PFKFB3: variants seen among roughly 807,000 people sequenced by gnomAD.
The protein encoded by PFKFB3 is 6-phosphofructo-2-kinase/fructose-2,6-biphosphatase 3.
In PFKFB3, 33 loss-of-function variants were observed where a neutral mutation model predicts 68.0. That is an observed-to-expected ratio of 0.49 (90% CI 0.37 to 0.65). PFKFB3 has a LOEUF of 0.65. PFKFB3 is among the 30% of genes least tolerant of loss of function. The pLI is 0.00. For synonymous variants in PFKFB3, 315 were observed against 288.2 expected (o/e 1.09, Z -0.94); for missense variants, 586 against 712.2 (o/e 0.82, Z 2.02).
At chr10:6,315,225 G>A in the PFKFB3 span, among the ~76,000 whole-genome samples, 1 of 152,182 alleles carries the variant, frequency 6.6e-6, no homozygotes, top group African/African-American at 2.4e-5. Context: ...AAACAAACAG[G>A]GGAGGGAGAG....
chr10:6,175,917 C>T (rs745568651), intron 1 of PFKFB3, among the ~76,000 whole-genome samples: 1 of 152,254 alleles, frequency 6.6e-6, no homozygotes, highest in Non-Finnish European at 1.5e-5. Flanking sequence ...TCCATACAAT[C>T]ATCTTGGCAG....
At chr10:6,266,144 A>G in the PFKFB3 span, among the ~76,000 whole-genome samples, 1 of 152,140 alleles carries the variant, frequency 6.6e-6, no homozygotes, top group African/African-American at 2.4e-5. Flanking sequence ...CTTGGGCTCA[A>G]GTGATCCTTC....
At position 6,220,704 on chromosome 10, in the gene PFKFB3, G is replaced by C. The variant is rs577158958; in HGVS notation, c.670G>C (p.Val224Leu). 6.2e-7 allele frequency: 1 copy of C among 1,614,102 alleles called. No homozygotes were observed. Among genetic ancestry groups the C allele is most frequent in the African/African-American group, 1.3e-5 (1 of 75,014 alleles). ...GATTGACGTGGGCCGGAGGTTCCTG[G>C]TGAACCGGGTGCAGGACCACATCCA... is the stretch of plus-strand genomic sequence containing the variant. ...KVIDVGRRFLVNRVQDHIQSR... is the reference protein window; with the variant it reads ...KVIDVGRRFLLNRVQDHIQSR... Residue 224 changes from valine (V) to leucine (L), a missense_variant, in exon 8 of 15, where the codon GTG becomes CTG. Transcript: ENST00000379775. The surrounding 1 kb of genome is among the most constrained non-coding windows in gnomAD (Gnocchi z 4.1).
At chr10:6,254,808 CTTTTTTT>C (rs144888417), downstream of PFKFB3, among the ~76,000 whole-genome samples, 1,084 of 61,644 alleles carry the variant, frequency 0.018, 33 homozygotes, top group South Asian at 0.21. Context: ...TTTTTCTGTT[CTTTTTTT>C]TTTTTTTTTT....
Position 6,233,265 on chromosome 10 carries a change from C to T in PFKFB3, c.*323C>T, listed in dbSNP as rs1165164866. The T allele has an allele frequency of 7.0e-6, 2 of 283,972 alleles. No individual in the cohort carries two copies. Among genetic ancestry groups the T allele is most frequent in the Non-Finnish European group, 1.3e-5 (2 of 151,872 alleles). The allele number at this position is 283,972 out of a possible 1,614,324, so 17.6% of individuals were successfully genotyped here. On this transcript the variant is annotated 3_prime_UTR_variant, in exon 15 of 15. Transcript: ENST00000379775. ...GATGAGTGCTGGTCCTGACAGGAGG[C>T]CGCTGGGGACACTGTGCTGTTTTGT...
Position 6,216,485 on chromosome 10 carries a change from G to T in PFKFB3, c.367-221G>T, listed in dbSNP as rs78894631. Among the ~76,000 whole-genome samples the T allele has an allele frequency of 5.8e-3, 880 of 152,166 alleles. 3 individuals carry two copies. The highest frequency in any genetic ancestry group is 0.01 in the Non-Finnish European group (692 of 68,010). ...TACTGTTTTGCTTGTTTGCTTTTGG[G>T]GTATTTCCCCCACGCTACCACCCCT... On this transcript the variant is annotated intron_variant, in intron 4 of 14. Coordinates refer to ENST00000379775, the MANE Select transcript of PFKFB3 (RefSeq NM_004566.4).
chr10:6,210,006 C>T (rs377339225), intron 1 of PFKFB3, among the ~76,000 whole-genome samples: 4 of 148,128 alleles, frequency 2.7e-5, no homozygotes, highest in East Asian at 3.9e-4. Flanking sequence ...CCCGCCTCGG[C>T]CTCCCAAAGT....
At chr10:6,251,193 G>C (rs1254047197) in intron 14 of PFKFB3, among the ~76,000 whole-genome samples, 1 of 152,148 alleles carries the variant, frequency 6.6e-6, no homozygotes, top group Non-Finnish European at 1.5e-5. Context: ...AGGCAAGGAT[G>C]GGGTGGAAAG....
chr10:6,169,372 C>A (rs1302262730), intron 1 of PFKFB3, among the ~76,000 whole-genome samples: 2 of 152,090 alleles, frequency 1.3e-5, no homozygotes, highest in Non-Finnish European at 2.9e-5. Flanking sequence ...CGGCTGTGAG[C>A]AGGGTAGGGG....
At chr10:6,258,340 A>G (rs951153560), downstream of PFKFB3, among the ~76,000 whole-genome samples, 6 of 152,220 alleles carry the variant, frequency 3.9e-5, no homozygotes, top group African/African-American at 1.2e-4. Flanking sequence ...ATGAGCAGGT[A>G]TGTCTTGCTT....
At chr10:6,295,215 GATTTT>G in the PFKFB3 span, among the ~76,000 whole-genome samples, 1 of 151,906 alleles carries the variant, frequency 6.6e-6, no homozygotes, top group Non-Finnish European at 1.5e-5. Context: ...TAGGCTTGTA[GATTTT>G]ATTTTATTTT....
chr10:6,242,994 G>A (rs1043201822), intron 14 of PFKFB3, among the ~76,000 whole-genome samples: 3 of 152,216 alleles, frequency 2.0e-5, no homozygotes, highest in Admixed American at 2.0e-4. Context: ...ATGACTTGGG[G>A]GAGGCTGTCT....
chr10:6,318,500 C>T, the PFKFB3 span, among the ~76,000 whole-genome samples: 3 of 152,346 alleles, frequency 2.0e-5, no homozygotes, highest in Admixed American at 1.3e-4. Flanking sequence ...TGTCCATTCC[C>T]GGAGCTGTGC....
chr10:6,238,742 C>T (rs1174805621), downstream of PFKFB3, among the ~76,000 whole-genome samples: 2 of 151,996 alleles, frequency 1.3e-5, no homozygotes, highest in African/African-American at 2.4e-5. Flanking sequence ...CTGATAGGCC[C>T]CAGTGTGTGG....
chr10:6,173,022 C>T (rs535633684), intron 1 of PFKFB3, among the ~76,000 whole-genome samples: 1 of 152,326 alleles, frequency 6.6e-6, no homozygotes, highest in South Asian at 2.1e-4. Context: ...TCCCCTTACA[C>T]AGGATCTGTG....
the PFKFB3 span, among the ~76,000 whole-genome samples, chr10:6,283,173 G>A: frequency 6.6e-6 from 1 of 152,144 alleles, no homozygotes; most frequent in African/African-American, 2.4e-5. Flanking sequence ...TCACCATGTT[G>A]GCTGGGCTGG....
chr10:6,263,550 T>C, the PFKFB3 span, among the ~76,000 whole-genome samples: 40 of 152,364 alleles, frequency 2.6e-4, no homozygotes, highest in African/African-American at 9.1e-4. Context: ...AATTTCCATC[T>C]CTTTCTAGCA....
upstream of PFKFB3, among the ~76,000 whole-genome samples, chr10:6,200,659 C>CGGGGGGGGGGGGGGGGGGGGGGGGGG (rs57019530): frequency 1.5e-5 from 1 of 68,886 alleles, no homozygotes; most frequent in African/African-American, 6.6e-5. Flanking sequence ...ATGTAAGGAG[C>CGGGGGGGGGGGGGGGGGGGGGGGGGG]GGGGGGGGGG....
intron 10 of PFKFB3, 162 bp from the exon 11 acceptor site, chr10:6,222,693 C>G: frequency 1.5e-6 from 1 of 678,528 alleles, no homozygotes; most frequent in Non-Finnish European, 2.3e-6. Context: ...CTTTTTGTGG[C>G]TGAGCAATAG....
Sources: gnomAD v4.1 joint callset for allele counts (sites outside exome capture counted in the v4.1 genomes callset) on GRCh38, gnomAD v4.1.1 for gene constraint, Gnocchi (gnomAD v3.1) non-coding constraint, MANE v1.5 for transcripts, NCBI Gene and HGNC (gene_info 2026-07-23, HGNC 2026-07-21) for gene names.